Variants in TXK observed in about 807,000 individuals in gnomAD.
TXK encodes the protein tyrosine-protein kinase TXK.
Under a neutral mutation model 81.0 loss-of-function variants are expected in TXK, and 60 were observed. The ratio of observed to expected loss-of-function variants is 0.74; its 90% CI spans 0.60 to 0.92. The LOEUF (loss-of-function observed/expected upper bound fraction) is 0.92, where lower values mean the gene tolerates loss of function less well. Among genes scored for constraint, TXK ranks in the 40% least tolerant of loss-of-function variants. The pLI, the probability that TXK is intolerant of heterozygous loss-of-function variation, is 0.00. For missense variants in TXK, 581 were observed against 638.3 expected (o/e 0.91, Z 0.97); for synonymous variants, 203 against 210.7 (o/e 0.96, Z 0.32).
At chr4:48,129,109 G>A (rs1719173984) in intron 1 of TXK, among the ~76,000 whole-genome samples, 1 of 152,052 alleles carries the variant, frequency 6.6e-6, no homozygotes, top group Non-Finnish European at 1.5e-5. Context: ...TTGGGACATT[G>A]AGTTTTTCAC....
intron 9 of TXK, among the ~76,000 whole-genome samples, chr4:48,088,625 A>G (rs1161731885): frequency 1.3e-5 from 2 of 152,206 alleles, no homozygotes; most frequent in Non-Finnish European, 2.9e-5. Flanking sequence ...AAACAAATCA[A>G]TCTATAGACT....
chr4:48,071,657 C>G lies in TXK; in HGVS notation c.1375G>C (p.Val459Leu). 1 of 1,614,056 alleles carries G rather than the reference C, an allele frequency of 6.2e-7. No individual in the cohort carries two copies. The highest frequency in any genetic ancestry group is 8.5e-7 in the Non-Finnish European group (1 of 1,179,986). The change falls in exon 14 of 15, where the codon GTT becomes CTT. Residue 459 changes from valine (V) to leucine (L), a missense_variant. Coordinates refer to ENST00000264316, the MANE Select transcript of TXK (RefSeq NM_003328.3). ...AAAGGCATTTTTCCTTCTGTAAAAACTTCCCACATTAAAACTCCTGCAAAC... is the reference window on the plus strand; with the variant it reads ...AAAGGCATTTTTCCTTCTGTAAAAAGTTCCCACATTAAAACTCCTGCAAAC... ...VWSFGVLMWE[V>L]FTEGKMPFEN... is the part of the protein sequence containing the mutation.
At chr4:48,076,693 A>G (rs1431554931) in intron 11 of TXK, among the ~76,000 whole-genome samples, 1 of 152,040 alleles carries the variant, frequency 6.6e-6, no homozygotes, top group Non-Finnish European at 1.5e-5. Context: ...CAATGGCACC[A>G]TGTTGGCTCA....
intron 6 of TXK, among the ~76,000 whole-genome samples, chr4:48,104,308 A>T (rs71611577): frequency 1.4e-4 from 1 of 6,932 alleles, no homozygotes; most frequent in South Asian, 4.4e-3. Flanking sequence ...TATAATATAT[A>T]ATATATATAA....
chr4:48,103,436 G>A (rs547956344), intron 6 of TXK, among the ~76,000 whole-genome samples: 5 of 152,294 alleles, frequency 3.3e-5, no homozygotes, highest in South Asian at 2.1e-4. Context: ...ACCTCCATCC[G>A]TGGTCACCTG....
chr4:48,119,599 C>T (rs1383538834), intron 1 of TXK, among the ~76,000 whole-genome samples: 1 of 152,078 alleles, frequency 6.6e-6, no homozygotes, highest in South Asian at 2.1e-4. Context: ...ACTCATTTTC[C>T]ATGGCCCACC....
At chr4:48,105,993 T>C (rs542099129) in intron 5 of TXK, 6 of 152,156 alleles carry the variant, frequency 3.9e-5, no homozygotes, top group African/African-American at 1.4e-4. Context: ...AGTAAGCAAA[T>C]GTTGTACAGG....
In TXK at chr4:48,067,709, G is replaced by C. The variant is rs768722944; in HGVS notation, c.1516-4C>G. On this transcript the variant is annotated splice_polypyrimidine_tract_variant and splice_region_variant and intron_variant, in intron 14 of 14. Coordinates refer to ENST00000264316, the MANE Select transcript of TXK (RefSeq NM_003328.3). ...ATGTAGGGCGGCCTTCAGGTTTCTGGAAAAGGGAAGTGGGGGTGGTTAGCT... is the reference window on the plus strand; with the variant it reads ...ATGTAGGGCGGCCTTCAGGTTTCTGCAAAAGGGAAGTGGGGGTGGTTAGCT... 3 of 1,613,774 alleles carry C rather than the reference G, an allele frequency of 1.9e-6. No homozygotes were observed. The highest frequency in any genetic ancestry group is 1.1e-5 in the South Asian group (1 of 91,062).
chr4:48,099,952 A>C (rs1023273388), intron 6 of TXK, among the ~76,000 whole-genome samples: 1 of 152,044 alleles, frequency 6.6e-6, no homozygotes, highest in Non-Finnish European at 1.5e-5. Context: ...TGGGAGGCCG[A>C]GGCGGGCGGA....
At chr4:48,089,719 T>A (rs1415299292) in intron 9 of TXK, 31 bp downstream of exon 9, 1 of 1,583,360 alleles carries the variant, frequency 6.3e-7, no homozygotes, top group South Asian at 1.1e-5. Context: ...CTGGATTTGC[T>A]ATTTTACTTC....
chr4:48,067,956 G>A (rs1377433389), intron 14 of TXK, among the ~76,000 whole-genome samples: 1 of 152,154 alleles, frequency 6.6e-6, no homozygotes, highest in African/African-American at 2.4e-5. Context: ...TTCACAAAAA[G>A]GAAGAGAAAG....
rs376924565 is a variant in TXK at position 48,069,326 on chromosome 4, CTT to C, written c.1516-1623_1516-1622del. Among the ~76,000 whole-genome samples the C allele has an allele frequency of 1.2e-3, 114 of 95,858 alleles. 1 individual carries two copies. Among genetic ancestry groups the C allele is most frequent in the Middle Eastern group, 5.2e-3 (1 of 194 alleles). 62.9% of individuals were successfully genotyped at this position (95,858 alleles called of 152,430 possible). ...CAAAAATAAATCAATCTTTTCTTTT[CTT>C]TTTTTTTTTTTTTTTTTGAGACAGT... On this transcript the variant is annotated intron_variant, in intron 14 of 14. Coordinates refer to ENST00000264316, the MANE Select transcript of TXK (RefSeq NM_003328.3).
Position 48,076,424 on chromosome 4 carries a change from T to C in TXK, c.1216A>G (p.Ile406Val). The part of the protein sequence containing the change: ...CLVSSTCIVK[I>V]SDFGMTRYVL... ...TACCTTGTCATTCCAAAGTCTGAAA[T>C]TTTTACTATGCATGTTGAACTGACC... Residue 406 changes from isoleucine to valine, a missense_variant, in exon 12 of 15, where the codon ATT becomes GTT. Ile to Val is a conservative substitution (Grantham distance 29, BLOSUM62 3). Coordinates refer to ENST00000264316, the MANE Select transcript of TXK (RefSeq NM_003328.3). 1 of 1,612,850 alleles carries C rather than the reference T, an allele frequency of 6.2e-7. No homozygotes were observed. The highest frequency in any genetic ancestry group is 8.5e-7 in the Non-Finnish European group (1 of 1,179,570).
Position 48,099,157 on chromosome 4 carries a change from A to G in TXK, c.502-3935T>C, listed in dbSNP as rs143459776. On this transcript the variant is annotated intron_variant, in intron 6 of 14. Transcript: ENST00000264316. ...AGAATCAACTGAAAACCTACTACAT[A>G]AAACATGAGAATTCACCAAAATTAT... Among the ~76,000 whole-genome samples the G allele has an allele frequency of 1.5e-3, 234 of 152,320 alleles. 1 individual carries two copies. The highest frequency in any genetic ancestry group is 1.9e-3 in the Non-Finnish European group (128 of 68,028).
chr4:48,129,107 T>G (rs1368551896), intron 1 of TXK, among the ~76,000 whole-genome samples: 1 of 152,036 alleles, frequency 6.6e-6, no homozygotes, highest in Non-Finnish European at 1.5e-5. Context: ...AATTGGGACA[T>G]TGAGTTTTTC....
chr4:48,081,450 A>C (rs1260629817), intron 10 of TXK, among the ~76,000 whole-genome samples: 2 of 152,180 alleles, frequency 1.3e-5, no homozygotes, highest in African/African-American at 2.4e-5. Context: ...GAAAATCTAC[A>C]TTCTTGTTTG....
intron 5 of TXK, among the ~76,000 whole-genome samples, chr4:48,109,702 G>A (rs1473337409): frequency 2.0e-5 from 3 of 152,126 alleles, no homozygotes; most frequent in Admixed American, 1.3e-4. Context: ...TTTTGAATTC[G>A]AATTTGTTTT....
chr4:48,101,821 A>C (rs1208269701), intron 6 of TXK, among the ~76,000 whole-genome samples: 1 of 151,732 alleles, frequency 6.6e-6, no homozygotes. Flanking sequence ...ACAGATAATA[A>C]AGGAAAATTT....
At chr4:48,087,989 T>A (rs972282585) in intron 9 of TXK, among the ~76,000 whole-genome samples, 2 of 152,164 alleles carry the variant, frequency 1.3e-5, no homozygotes, top group African/African-American at 2.4e-5. Flanking sequence ...ATACCCTAAC[T>A]TTTTTAAGGG....
Sources: gnomAD v4.1 joint callset for allele counts (sites outside exome capture counted in the v4.1 genomes callset) on GRCh38, gnomAD v4.1.1 for gene constraint, MANE v1.5 for transcripts, NCBI Gene and HGNC (gene_info 2026-07-23, HGNC 2026-07-21) for gene names.